The following SYCP2 variants were observed in gnomAD, a reference collection of about 807,000 sequenced individuals.
SYCP2 encodes the protein synaptonemal complex protein 2.
Under a neutral mutation model 211.3 loss-of-function variants are expected in SYCP2, and 55 were observed. The observed-to-expected ratio is 0.26, with a 90% confidence interval of 0.21 to 0.33. The LOEUF is 0.33. Among genes scored for constraint, SYCP2 ranks in the 10% least tolerant of loss-of-function variants. The probability of loss-of-function intolerance (pLI) is 1.00; values close to 1 mark genes in which losing one functional copy is unlikely to be tolerated. For synonymous variants in SYCP2, 570 were observed against 555.2 expected (o/e 1.03, Z -0.37); for missense variants, 1,731 against 1,752.0 (o/e 0.99, Z 0.21).
intron 32 of SYCP2, 95 bp from the exon 33 acceptor site, chr20:59,877,650 A>G: frequency 3.0e-6 from 3 of 997,002 alleles, no homozygotes; most frequent in Non-Finnish European, 4.5e-6. Context: ...CAAGTTTTAC[A>G]TAAAATATTT....
intron 33 of SYCP2, among the ~76,000 whole-genome samples, chr20:59,877,146 TATC>T (rs2059576421): frequency 6.6e-6 from 1 of 152,194 alleles, no homozygotes; most frequent in African/African-American, 2.4e-5. Flanking sequence ...TCAAAGATAC[TATC>T]ATCAAGTTAT....
intron 13 of SYCP2, 126 bp from the exon 14 acceptor site, chr20:59,911,971 C>T (rs1049863157): frequency 4.3e-6 from 2 of 465,862 alleles, no homozygotes; most frequent in African/African-American, 4.0e-5. Context: ...AAAGAACAGA[C>T]AAGTATAATA....
At chr20:59,896,327 C>T (rs2060006658) in intron 19 of SYCP2, 102 bp downstream of exon 19, 1 of 632,212 alleles carries the variant, frequency 1.6e-6, no homozygotes, top group Non-Finnish European at 2.7e-6. Context: ...TTTTTATACA[C>T]CAAACTTATC....
intron 26 of SYCP2, among the ~76,000 whole-genome samples, chr20:59,885,692 C>G (rs567769832): frequency 1.3e-5 from 2 of 151,880 alleles, no homozygotes; most frequent in Non-Finnish European, 1.5e-5. Flanking sequence ...GAATCATATA[C>G]CAAAAAGTAA....
At chr20:59,895,663 T>C in intron 19 of SYCP2, 66 bp from the exon 20 acceptor site, 2 of 1,560,358 alleles carry the variant, frequency 1.3e-6, no homozygotes. Context: ...GAGGTACTTT[T>C]CCAATGAGAA....
chr20:59,879,816 TAAATAA>T (rs2059632726), intron 31 of SYCP2, among the ~76,000 whole-genome samples: 2 of 26,966 alleles, frequency 7.4e-5, no homozygotes, highest in African/African-American at 5.7e-4. Flanking sequence ...TTAGTAAATA[TAAATAA>T]ATATATATAT....
chr20:59,886,151 C>T (rs769981075), intron 25 of SYCP2, among the ~76,000 whole-genome samples, 187 bp from the exon 26 acceptor site: 11 of 151,878 alleles, frequency 7.2e-5, no homozygotes, highest in Non-Finnish European at 1.2e-4. Flanking sequence ...ATAGAGCATT[C>T]GAAGCTGAAT....
rs139419328 is a variant in SYCP2 at position 59,892,092 on chromosome 20, G to A, written c.2262C>T (p.Cys754=). Residue 754 remains cysteine (C), a synonymous_variant, in exon 24 of 45, where the codon TGC becomes TGT. Coordinates refer to ENST00000357552, the MANE Select transcript of SYCP2 (RefSeq NM_014258.4). The part of the protein sequence containing the change: ...ILSKDVNTAT[C]DKNPSASKNV... Reference sequence around the variant, plus strand: ...TTTTGCTAGCAGATGGATTTTTATCGCAAGTAGCAGTATTCACATCTTTTG... The same window carrying A: ...TTTTGCTAGCAGATGGATTTTTATCACAAGTAGCAGTATTCACATCTTTTG... 3,854 of 1,610,702 alleles carry A rather than the reference G, an allele frequency of 2.4e-3. 7 individuals carry two copies. The highest frequency in any genetic ancestry group is 2.7e-3 in the Non-Finnish European group (3,191 of 1,178,336).
At chr20:59,870,087 A>C (rs1188061939) in intron 35 of SYCP2, 104 bp from the exon 36 acceptor site, 6 of 676,296 alleles carry the variant, frequency 8.9e-6, no homozygotes, top group Non-Finnish European at 1.4e-5. Flanking sequence ...GCAAAACTGC[A>C]AAACTACTAA....
At chr20:59,927,597 C>T (rs964287540) in intron 2 of SYCP2, among the ~76,000 whole-genome samples, 8 of 152,104 alleles carry the variant, frequency 5.3e-5, no homozygotes, top group Admixed American at 1.3e-4. Context: ...AAAGAACCAT[C>T]CAGATAAATC....
Position 59,901,830 on chromosome 20 carries a change from ATTAGT to A in SYCP2, c.1034-25_1034-21del, listed in dbSNP as rs1337482440. The A allele has an allele frequency of 3.2e-6, 5 of 1,549,474 alleles. No individual in the cohort carries two copies. Among genetic ancestry groups the A allele is most frequent in the Non-Finnish European group, 4.3e-6 (5 of 1,150,386 alleles). On this transcript the variant is annotated intron_variant, in intron 15 of 44. Transcript: ENST00000357552. ...CTCTCACTGTATAGAAACAACACTG[ATTAGT>A]TTACGTTTCTATGATACTACTCTGC...
intron 31 of SYCP2, among the ~76,000 whole-genome samples, chr20:59,879,903 T>TAC (rs749399882): frequency 1.3e-4 from 19 of 147,028 alleles, no homozygotes; most frequent in African/African-American, 3.0e-4. Context: ...ATTTATTTTA[T>TAC]ACACACACAC....
chr20:59,871,079 C>T (rs1250827300), intron 35 of SYCP2, among the ~76,000 whole-genome samples: 1 of 151,588 alleles, frequency 6.6e-6, no homozygotes, highest in African/African-American at 2.4e-5. Flanking sequence ...AATATACATA[C>T]TAGGAAAAGA....
At chr20:59,913,336 T>C (rs1884025089) in intron 12 of SYCP2, among the ~76,000 whole-genome samples, 1 of 152,138 alleles carries the variant, frequency 6.6e-6, no homozygotes, top group South Asian at 2.1e-4. Flanking sequence ...TCAGGTAATA[T>C]GACTCCTTGC....
chr20:59,866,420 T>C, intron 40 of SYCP2, 28 bp from the exon 41 acceptor site: 6 of 1,561,660 alleles, frequency 3.8e-6, no homozygotes, highest in Non-Finnish European at 5.2e-6. Flanking sequence ...TGAGATTAAT[T>C]TTAAAAACTG....
intron 13 of SYCP2, chr20:59,912,109 C>T (rs1486879085): frequency 7.2e-6 from 3 of 416,066 alleles, no homozygotes. Context: ...TGAATAGATT[C>T]ATACATGATA....
In SYCP2 at chr20:59,920,507, T is replaced by C. The variant is rs768851599; in HGVS notation, c.169-20A>G. Reference sequence around the variant, plus strand: ...AAGTTCCTGAAATAAAAGGTATACATTAAAATTTCTGTAAACACAAAACAG... The same window carrying C: ...AAGTTCCTGAAATAAAAGGTATACACTAAAATTTCTGTAAACACAAAACAG... On this transcript the variant is annotated intron_variant, in intron 4 of 44. Transcript: ENST00000357552. 6.4e-6 allele frequency: 10 copies of C among 1,558,372 alleles called. No homozygotes were observed.
In SYCP2 at chr20:59,912,428, A is replaced by C; in HGVS notation, c.831-10T>G. The C allele has an allele frequency of 9.8e-7, 1 of 1,015,352 alleles. No individual in the cohort carries two copies. The highest frequency in any genetic ancestry group is 1.4e-6 in the Non-Finnish European group (1 of 697,744). The allele number at this position is 1,015,352 out of a possible 1,614,324, so 62.9% of individuals were successfully genotyped here. A position where few individuals can be genotyped will look rare whatever the true frequency, so the allele number is the denominator to read the frequency against. ...AGGAAATGTAAAGACCCTGAAATAAAAAGTAGTTTAAGAAAAAAATAAATA... is the reference window on the plus strand; with the variant it reads ...AGGAAATGTAAAGACCCTGAAATAACAAGTAGTTTAAGAAAAAAATAAATA... On this transcript the variant is annotated splice_polypyrimidine_tract_variant and intron_variant, in intron 12 of 44. Coordinates refer to ENST00000357552, the MANE Select transcript of SYCP2 (RefSeq NM_014258.4).
chr20:59,869,814 A>T lies in SYCP2; in HGVS notation c.3725T>A (p.Ile1242Lys). The T allele has an allele frequency of 6.2e-7, 1 of 1,603,386 alleles. No homozygotes were observed. The highest frequency in any genetic ancestry group is 8.5e-7 in the Non-Finnish European group (1 of 1,172,802). Residue 1242 changes from isoleucine (I) to lysine (K), a missense_variant, in exon 36 of 45, where the codon ATA becomes AAA. This residue lies in a region of SYCP2 where 1,387 missense variants were observed against 1,351.3 expected (regional missense o/e 1.03). Transcript: ENST00000357552. ...IESPHINENY[I>K]QSKREESHLA... ...CACACTTACCTCTCTTTTGCTTTGTATATAATTTTCATTGATATGTGGAGA... is the reference window on the plus strand; with the variant it reads ...CACACTTACCTCTCTTTTGCTTTGTTTATAATTTTCATTGATATGTGGAGA...
Sources: gnomAD v4.1 joint callset for allele counts (sites outside exome capture counted in the v4.1 genomes callset) on GRCh38, gnomAD v4.1.1 for gene constraint, gnomAD v4.1.1 regional missense constraint, MANE v1.5 for transcripts, NCBI Gene and HGNC (gene_info 2026-07-23, HGNC 2026-07-21) for gene names.